UNC13A: variants seen among roughly 807,000 people sequenced by gnomAD.
UNC13A encodes the protein unc-13 homolog A.
Under a neutral mutation model 219.7 loss-of-function variants are expected in UNC13A, and 61 were observed. The observed-to-expected ratio is 0.28, with a 90% CI of 0.23 to 0.34. The LOEUF is 0.34. Ranked by LOEUF, UNC13A falls within the 10% of genes least tolerant of loss-of-function variation. UNC13A has a pLI of 1.00. For missense variants in UNC13A, 1,476 were observed against 2,270.3 expected (o/e 0.65, Z 7.11); for synonymous variants, 920 against 884.6 (o/e 1.04, Z -0.71).
At chr19:17,607,573 T>A (rs985003623) in intron 43 of UNC13A, among the ~76,000 whole-genome samples, 3 of 149,924 alleles carry the variant, frequency 2.0e-5, no homozygotes, top group Non-Finnish European at 4.4e-5. Context: ...CCACCGCGCC[T>A]GGCCCATAGT....
At chr19:17,619,077 C>A in intron 38 of UNC13A, 115 bp from the exon 39 acceptor site, 1 of 960,664 alleles carries the variant, frequency 1.0e-6, no homozygotes, top group Non-Finnish European at 1.6e-6. Flanking sequence ...TAATTGTGTC[C>A]CAGGGACAGA....
rs763502467 is a variant in UNC13A at position 17,658,193 on chromosome 19, G to A, written c.636C>T (p.Pro212=). The stretch of plus-strand genomic sequence containing the variant: ...CGTTGGGTTGTGACGTAGTATAATA[G>A]GGCGGCGGGATGCTGTTGCTCGTTT... The part of the protein sequence containing the change: ...RSETSNSIPP[P]YYTTSQPNAS... Residue 212 remains proline (P), a synonymous_variant, in exon 9 of 44, where the codon CCC becomes CCT. Coordinates refer to ENST00000519716, the MANE Select transcript of UNC13A (RefSeq NM_001080421.3). The A allele has an allele frequency of 2.5e-6, 4 of 1,613,948 alleles. No homozygotes were observed. In the South Asian group the frequency reaches 4.4e-5, roughly 18 times the overall value.
chr19:17,666,854 A>G (rs2079657366), intron 6 of UNC13A, 150 bp from the exon 7 acceptor site: 1 of 430,116 alleles, frequency 2.3e-6, no homozygotes, highest in Non-Finnish European at 4.1e-6. Context: ...AGTAAGAGAG[A>G]AAAGGAGAGA....
rs1393024614 is a variant in UNC13A at position 17,627,231 on chromosome 19, A to G, written c.3920+278T>C. Among the ~76,000 whole-genome samples the G allele has an allele frequency of 1.3e-5, 2 of 152,046 alleles. No individual in the cohort carries two copies. Among genetic ancestry groups the G allele is most frequent in the Non-Finnish European group, 2.9e-5 (2 of 68,014 alleles). ...GCAAAGGGATAAGACATTTGCCCGC[A>G]TTGTTCATTTCATTCTCAAAATCCT... On this transcript the variant is annotated intron_variant, in intron 33 of 43. Transcript: ENST00000519716. This position sits in a 1 kb window ranked among gnomAD's most constrained non-coding sequence, Gnocchi z 4.7.
chr19:17,639,566 C>T lies in UNC13A; in HGVS notation c.2857-41G>A, dbSNP rs1555779951. On this transcript the variant is annotated intron_variant, in intron 23 of 43. Transcript: ENST00000519716. ...AGAGATGTGGGGTTATGGAAGAAGG[C>T]GTGGGGAGGATGGGAGACTGCTTTT... 4.4e-6 allele frequency: 7 copies of T among 1,592,924 alleles called. No individual in the cohort carries two copies. The East Asian group carries it at 6.7e-5, about 15-fold the overall frequency.
At chr19:17,639,671 G>A (rs1027444539) in intron 23 of UNC13A, 146 bp from the exon 24 acceptor site, 1 of 1,139,590 alleles carries the variant, frequency 8.8e-7, no homozygotes, top group Non-Finnish European at 1.3e-6. Flanking sequence ...CTGCTTGGAT[G>A]CACCAAGCAC....
rs2079853909 is a variant in UNC13A at position 17,674,292 on chromosome 19, G to A, written c.152+365C>T. Among the ~76,000 whole-genome samples the A allele has an allele frequency of 6.6e-6, 1 of 152,184 alleles. No individual in the cohort carries two copies. Among genetic ancestry groups the A allele is most frequent in the South Asian group, 2.1e-4 (1 of 4,818 alleles). On this transcript the variant is annotated intron_variant, in intron 3 of 43. Coordinates refer to ENST00000519716, the MANE Select transcript of UNC13A (RefSeq NM_001080421.3). The surrounding 1 kb of genome is among the most constrained non-coding windows in gnomAD (Gnocchi z 5.0). ...GGTGGGAATCACGGGGAAGGCTGTGGGTTTTATTGTGAGGTCGATGAGCCA... is the reference window on the plus strand; with the variant it reads ...GGTGGGAATCACGGGGAAGGCTGTGAGTTTTATTGTGAGGTCGATGAGCCA...
chr19:17,616,033 C>T (rs1002301643), intron 41 of UNC13A, among the ~76,000 whole-genome samples: 9 of 152,182 alleles, frequency 5.9e-5, no homozygotes, highest in Non-Finnish European at 1.0e-4. Flanking sequence ...CCCCATTTTA[C>T]AGATGAGAAA....
chr19:17,616,385 G>A (rs1451972015), intron 41 of UNC13A: 3 of 691,634 alleles, frequency 4.3e-6, no homozygotes, highest in Admixed American at 2.0e-5. Flanking sequence ...CGCGGGCGGC[G>A]GGCGGGAGGC....
Position 17,639,443 on chromosome 19 carries a change from C to T in UNC13A, c.2939G>A (p.Arg980Gln). Residue 980 changes from arginine (R) to glutamine (Q), a missense_variant, in exon 24 of 44, where the codon CGG becomes CAG. This residue lies in a region of UNC13A where 140 missense variants were observed against 270.9 expected (regional missense o/e 0.52). Transcript: ENST00000519716. The stretch of plus-strand genomic sequence containing the variant: ...AACTGGATCCTTTCCTACCTTCATC[C>T]GAAAGAAGGTGATGCTGGTGAGAAG... The part of the protein sequence containing the change: ...VDLLTSITFF[R>Q]MKVQELQSPP... 6.2e-7 allele frequency: 1 copy of T among 1,612,694 alleles called. No individual in the cohort carries two copies. Among genetic ancestry groups the T allele is most frequent in the Non-Finnish European group, 8.5e-7 (1 of 1,179,492 alleles).
chr19:17,647,183 G>A (rs1233413645), intron 17 of UNC13A, 82 bp downstream of exon 17: 1 of 1,319,546 alleles, frequency 7.6e-7, no homozygotes, highest in South Asian at 1.4e-5. Flanking sequence ...CAAAGGAGAG[G>A]GACCAGGCCA....
At position 17,649,455 on chromosome 19, in the gene UNC13A, C is replaced by T; in HGVS notation, c.1518+54G>A. 6.2e-7 allele frequency: 1 copy of T among 1,613,350 alleles called. No individual in the cohort carries two copies. The highest frequency in any genetic ancestry group is 8.5e-7 in the Non-Finnish European group (1 of 1,179,388). On this transcript the variant is annotated intron_variant, in intron 13 of 43. Coordinates refer to ENST00000519716, the MANE Select transcript of UNC13A (RefSeq NM_001080421.3). This position sits in a 1 kb window ranked among gnomAD's most constrained non-coding sequence, Gnocchi z 4.4. ...ACCATGGGCAGTTCCACAGGTTGTGCACTGCTTATAGCAGGCCTGCTCTGC... is the reference window on the plus strand; with the variant it reads ...ACCATGGGCAGTTCCACAGGTTGTGTACTGCTTATAGCAGGCCTGCTCTGC...
At chr19:17,617,618 A>T in intron 41 of UNC13A, 84 bp downstream of exon 41, 1 of 1,559,550 alleles carries the variant, frequency 6.4e-7, no homozygotes, top group South Asian at 1.1e-5. Context: ...GTCACAGGGG[A>T]GTGAGCCAAT....
chr19:17,656,280 G>A lies in UNC13A; in HGVS notation c.886C>T (p.Arg296Trp), dbSNP rs1454147461. Residue 296 changes from arginine (R) to tryptophan (W), a missense_variant, in exon 10 of 44, where the codon CGG (arginine) becomes TGG (tryptophan). By Grantham distance (101) the Arg-to-Trp change is moderately radical. Transcript: ENST00000519716. Reference protein sequence around the residue: ...SLQGSDMEDERDRDSYHSCHS... With the variant: ...SLQGSDMEDEWDRDSYHSCHS... ...CAGGAGTGGTAGGAGTCCCGGTCCC[G>A]CTCATCCTCCATGTCGGAGCCCTGC... The A allele has an allele frequency of 1.9e-6, 3 of 1,552,042 alleles. No individual in the cohort carries two copies. The highest frequency in any genetic ancestry group is 1.4e-5 in the African/African-American group (1 of 73,058).
intron 25 of UNC13A, among the ~76,000 whole-genome samples, chr19:17,637,230 C>G (rs1318165714): frequency 1.3e-5 from 2 of 152,106 alleles, no homozygotes; most frequent in African/African-American, 4.8e-5. Context: ...CTGCCTCAGC[C>G]TCCTAAAGTG....
chr19:17,618,362 C>T, intron 40 of UNC13A, 59 bp downstream of exon 40: 1 of 1,526,838 alleles, frequency 6.5e-7, no homozygotes, highest in Non-Finnish European at 8.9e-7. Context: ...AGTCCATGAC[C>T]ACAGCAGCCA....
chr19:17,662,697 G>A (rs953169299), intron 8 of UNC13A, among the ~76,000 whole-genome samples: 2 of 152,086 alleles, frequency 1.3e-5, no homozygotes, highest in African/African-American at 4.8e-5. Flanking sequence ...AAGGCAGGTG[G>A]ATCACGAGGT....
chr19:17,625,080 G>C (rs1020173641), intron 34 of UNC13A, 128 bp from the exon 35 acceptor site: 2 of 1,414,306 alleles, frequency 1.4e-6, no homozygotes, highest in Admixed American at 2.6e-5. Flanking sequence ...AGGGACCCCT[G>C]GGTGGTTTGA....
In UNC13A at chr19:17,618,464, G is replaced by T; in HGVS notation, c.4367C>A (p.Pro1456Gln). Residue 1456 changes from proline (P) to glutamine (Q), a missense_variant, in exon 40 of 44, where the codon CCA becomes CAA. Physicochemically the swap from Pro to Gln is moderately conservative, Grantham distance 76. This residue lies in a region of UNC13A where 75 missense variants were observed against 100.2 expected (regional missense o/e 0.75). Transcript: ENST00000519716. Reference protein sequence around the residue: ...MVREEAKSLTPKQCAVVELAL... With the variant: ...MVREEAKSLTQKQCAVVELAL... ...CAACTCAACAACCGCGCACTGCTTT[G>T]GGGTCAAGCTCTTGGCTTCTTCTCG... The T allele has an allele frequency of 6.3e-7, 1 of 1,593,790 alleles. No individual in the cohort carries two copies. Among genetic ancestry groups the T allele is most frequent in the East Asian group, 2.3e-5 (1 of 43,994 alleles).
Sources: gnomAD v4.1 joint callset for allele counts (sites outside exome capture counted in the v4.1 genomes callset) on GRCh38, gnomAD v4.1.1 for gene constraint, gnomAD v4.1.1 regional missense constraint, Gnocchi (gnomAD v3.1) non-coding constraint, MANE v1.5 for transcripts, NCBI Gene and HGNC (gene_info 2026-07-23, HGNC 2026-07-21) for gene names.